DOCK1: variants seen among roughly 807,000 people sequenced by gnomAD.
DOCK1 encodes dedicator of cytokinesis 1, also known as dedicator of cytokinesis protein 1.
Under a neutral mutation model 262.7 loss-of-function variants are expected in DOCK1, and 138 were observed. The observed-to-expected ratio is 0.53, with a 90% confidence interval of 0.46 to 0.61. The LOEUF (loss-of-function observed/expected upper bound fraction) is 0.61. DOCK1 is among the 20% of genes least tolerant of loss of function. The probability of loss-of-function intolerance (pLI) is 0.00; values close to 1 mark genes in which losing one functional copy is unlikely to be tolerated. For missense variants in DOCK1, 1,908 were observed against 2,370.7 expected (o/e 0.80, Z 4.05); for synonymous variants, 866 against 867.4 (o/e 1.00, Z 0.03).
intron 29 of DOCK1, 42 bp downstream of exon 29, chr10:127,257,471 C>A: frequency 6.5e-7 from 1 of 1,529,510 alleles, no homozygotes; most frequent in South Asian, 1.2e-5. Context: ...CTATGGCTCC[C>A]AATTCATGTC....
At chr10:127,117,246 T>A (rs939993157) in intron 25 of DOCK1, among the ~76,000 whole-genome samples, 1 of 152,160 alleles carries the variant, frequency 6.6e-6, no homozygotes, top group Non-Finnish European at 1.5e-5. Context: ...TACTTAAAAA[T>A]GTAGAATTGG....
intron 31 of DOCK1, among the ~76,000 whole-genome samples, chr10:127,352,148 AGGGAGGCG>A (rs2063907434): frequency 7.0e-6 from 1 of 142,356 alleles, no homozygotes. Flanking sequence ...AGCACTGTGC[AGGGAGGCG>A]GGGAGGGGTG....
At chr10:127,312,016 T>C (rs1261805565) in intron 29 of DOCK1, among the ~76,000 whole-genome samples, 2 of 152,016 alleles carry the variant, frequency 1.3e-5, no homozygotes, top group African/African-American at 4.8e-5. Flanking sequence ...AGGCCCACGC[T>C]ACCACACCTG....
intron 11 of DOCK1, among the ~76,000 whole-genome samples, chr10:127,012,000 G>T (rs549095196): frequency 1.1e-4 from 16 of 152,180 alleles, no homozygotes; most frequent in African/African-American, 3.4e-4. Context: ...GTTTATTCCT[G>T]GGGAGAGGGT....
At chr10:127,346,412 C>A (rs1477078239) in intron 31 of DOCK1, among the ~76,000 whole-genome samples, 1 of 152,064 alleles carries the variant, frequency 6.6e-6, no homozygotes, top group Non-Finnish European at 1.5e-5. Context: ...CTGGACAACA[C>A]AACAACACCC....
intron 1 of DOCK1, among the ~76,000 whole-genome samples, chr10:126,916,417 A>G (rs767308043): frequency 2.6e-5 from 4 of 152,186 alleles, no homozygotes; most frequent in Non-Finnish European, 4.4e-5. Flanking sequence ...TTTTTATTTT[A>G]CTTACTAGTA....
intron 43 of DOCK1, among the ~76,000 whole-genome samples, chr10:127,413,331 A>G (rs1056930071): frequency 3.3e-5 from 5 of 152,162 alleles, no homozygotes; most frequent in Admixed American, 1.3e-4. Flanking sequence ...AAATCCCCTA[A>G]TGGCCCTGTT....
At chr10:127,088,251 T>G (rs779352939) in intron 23 of DOCK1, among the ~76,000 whole-genome samples, 4 of 152,264 alleles carry the variant, frequency 2.6e-5, no homozygotes, top group Non-Finnish European at 5.9e-5. Context: ...ATTATTGTAC[T>G]GTTTACCGTC....
chr10:126,940,720 G>C (rs2034920613), intron 1 of DOCK1, among the ~76,000 whole-genome samples: 1 of 152,210 alleles, frequency 6.6e-6, no homozygotes, highest in African/African-American at 2.4e-5. Flanking sequence ...ACCTATTTTA[G>C]TAAACAAACT....
At chr10:127,036,039 T>A (rs1451397934) in intron 18 of DOCK1, among the ~76,000 whole-genome samples, 6 of 146,804 alleles carry the variant, frequency 4.1e-5, no homozygotes, top group South Asian at 2.1e-4. Flanking sequence ...AATAAATAAA[T>A]AAATAAAAAA....
intron 27 of DOCK1, among the ~76,000 whole-genome samples, chr10:127,144,872 T>A (rs1274320200): frequency 6.6e-6 from 1 of 152,200 alleles, no homozygotes; most frequent in East Asian, 1.9e-4. Context: ...AAATGGCTAA[T>A]CCATGATAGT....
intron 19 of DOCK1, among the ~76,000 whole-genome samples, chr10:127,039,866 A>G (rs2043903960): frequency 6.6e-6 from 1 of 152,230 alleles, no homozygotes. Flanking sequence ...CTGTCCCATT[A>G]GATGGAAAAT....
intron 25 of DOCK1, among the ~76,000 whole-genome samples, chr10:127,121,546 A>G (rs1269657723): frequency 6.6e-6 from 1 of 151,526 alleles, no homozygotes; most frequent in East Asian, 1.9e-4. Flanking sequence ...TTGATTTGCT[A>G]TCTTAAGACA....
At chr10:127,297,425 G>A (rs2061539588) in intron 29 of DOCK1, among the ~76,000 whole-genome samples, 3 of 152,062 alleles carry the variant, frequency 2.0e-5, no homozygotes, top group Admixed American at 2.0e-4. Context: ...TGAGAGAAGT[G>A]GGGACGCATC....
chr10:127,277,675 AT>A (rs1321442313), intron 29 of DOCK1, among the ~76,000 whole-genome samples: 17 of 152,182 alleles, frequency 1.1e-4, no homozygotes, highest in African/African-American at 3.9e-4. Context: ...AGGCAGGAGA[AT>A]CGCTTGAACC....
At chr10:126,992,741 C>CACAA (rs1248627666) in intron 6 of DOCK1, among the ~76,000 whole-genome samples, 1 of 129,598 alleles carries the variant, frequency 7.7e-6, no homozygotes, top group Non-Finnish European at 1.6e-5. Flanking sequence ...AACACAGACA[C>CACAA]ACACACACAC....
chr10:126,989,270 A>G (rs945344573), intron 5 of DOCK1, among the ~76,000 whole-genome samples: 5 of 152,124 alleles, frequency 3.3e-5, no homozygotes, highest in Non-Finnish European at 7.4e-5. Context: ...AGTTTTTTAA[A>G]AAAGTGGCAG....
At chr10:127,261,389 C>T (rs2060102646) in intron 29 of DOCK1, among the ~76,000 whole-genome samples, 1 of 105,766 alleles carries the variant, frequency 9.5e-6, no homozygotes, top group Non-Finnish European at 1.9e-5. Flanking sequence ...GTGTGTGTAC[C>T]TGCATGTGTG....
chr10:127,277,016 T>C (rs1366096625), intron 29 of DOCK1, among the ~76,000 whole-genome samples: 8 of 152,114 alleles, frequency 5.3e-5, no homozygotes. Context: ...ATCTCTCTGG[T>C]CCAGCTGGAA....
Sources: gnomAD v4.1 joint callset for allele counts (sites outside exome capture counted in the v4.1 genomes callset) on GRCh38, gnomAD v4.1.1 for gene constraint, MANE v1.5 for transcripts, NCBI Gene and HGNC (gene_info 2026-07-23, HGNC 2026-07-21) for gene names.